Variants in PCDHGB1 observed in about 807,000 individuals in gnomAD.
PCDHGB1 encodes protocadherin gamma-B1.
In PCDHGB1, 34 loss-of-function variants were observed where a neutral mutation model predicts 56.6. The ratio of observed to expected loss-of-function variants is 0.60; its 90% CI spans 0.46 to 0.80. The LOEUF is 0.80. Among genes scored for constraint, PCDHGB1 ranks in the 30% least tolerant of loss-of-function variants. PCDHGB1 has a pLI of 0.00. For missense variants in PCDHGB1, 1,278 were observed against 1,204.6 expected, an observed-to-expected ratio of 1.06 and a Z score of -0.90; for synonymous variants, 561 against 505.9, an observed-to-expected ratio of 1.11 and a Z score of -1.46.
chr5:141,458,594 G>A (rs1226490392), intron 1 of PCDHGB1, among the ~76,000 whole-genome samples: 2 of 151,612 alleles, frequency 1.3e-5, no homozygotes, highest in South Asian at 2.1e-4. Flanking sequence ...TTTTGGAGAC[G>A]AGTCTCACTC....
intron 2 of PCDHGB1, among the ~76,000 whole-genome samples, chr5:141,503,456 A>G (rs920770738): frequency 1.3e-5 from 2 of 152,058 alleles, no homozygotes; most frequent in African/African-American, 4.8e-5. Context: ...TTCGCTGGGC[A>G]TGGTGGCATG....
chr5:141,384,958 T>C, intron 1 of PCDHGB1: 1 of 1,613,954 alleles, frequency 6.2e-7, no homozygotes, highest in Non-Finnish European at 8.5e-7. Flanking sequence ...TCCTTACAAC[T>C]ATGACCTCAC....
chr5:141,481,312 T>C (rs953898526), intron 1 of PCDHGB1, among the ~76,000 whole-genome samples: 1 of 152,200 alleles, frequency 6.6e-6, no homozygotes, highest in Non-Finnish European at 1.5e-5. Flanking sequence ...AAAACCTTCC[T>C]AAAGCACTAG....
At chr5:141,484,966 G>A in intron 1 of PCDHGB1, 1 of 583,968 alleles carries the variant, frequency 1.7e-6, no homozygotes. Context: ...GAGCCCGGGA[G>A]CCGCTGTCTG....
chr5:141,402,704 T>C (rs1237933133), intron 1 of PCDHGB1, among the ~76,000 whole-genome samples: 1 of 152,216 alleles, frequency 6.6e-6, no homozygotes, highest in East Asian at 1.9e-4. Flanking sequence ...TCAGTGGGTG[T>C]AGTAACGGCT....
intron 1 of PCDHGB1, chr5:141,395,210 A>T (rs200048432): frequency 1.9e-6 from 3 of 1,613,418 alleles, no homozygotes; most frequent in Non-Finnish European, 2.5e-6. Context: ...ATTTTCATGA[A>T]TATAAGAATG....
chr5:141,497,312 G>A (rs940721317), intron 2 of PCDHGB1, among the ~76,000 whole-genome samples: 7 of 152,038 alleles, frequency 4.6e-5, no homozygotes, highest in African/African-American at 1.7e-4. Flanking sequence ...CCATACACTG[G>A]CTTTGAAGCA....
At chr5:141,408,712 T>G in intron 1 of PCDHGB1, 1 of 1,612,332 alleles carries the variant, frequency 6.2e-7, no homozygotes, top group Non-Finnish European at 8.5e-7. Flanking sequence ...TTAAAGATTA[T>G]AAGATAAACT....
At chr5:141,470,302 C>A (rs996558051) in intron 1 of PCDHGB1, among the ~76,000 whole-genome samples, 5 of 152,188 alleles carry the variant, frequency 3.3e-5, no homozygotes, top group African/African-American at 1.2e-4. Context: ...GTTTTTATTC[C>A]ATTTTTCCTC....
At chr5:141,467,360 C>T (rs965838962) in intron 1 of PCDHGB1, among the ~76,000 whole-genome samples, 3 of 152,010 alleles carry the variant, frequency 2.0e-5, no homozygotes, top group Non-Finnish European at 4.4e-5. Context: ...GCCAAATCAA[C>T]GTTTTCTTAT....
At chr5:141,375,208 C>G in intron 1 of PCDHGB1, 2 of 1,613,958 alleles carry the variant, frequency 1.2e-6, no homozygotes, top group Non-Finnish European at 8.5e-7. Flanking sequence ...TCGATCGAGA[C>G]TCTGGCCTGA....
chr5:141,362,432 A>T, intron 1 of PCDHGB1: 1 of 1,613,924 alleles, frequency 6.2e-7, no homozygotes, highest in South Asian at 1.1e-5. Flanking sequence ...ACAGAGTTCA[A>T]TTTTCTGAAC....
chr5:141,357,403 G>A (rs1760584146), intron 1 of PCDHGB1: 2 of 1,614,252 alleles, frequency 1.2e-6, no homozygotes, highest in Non-Finnish European at 1.7e-6. Context: ...GTTGGCAGGT[G>A]TGCCTGCCTC....
In PCDHGB1 at chr5:141,356,852, T is replaced by A. The variant is rs1291274340; in HGVS notation, c.2409+4183T>A. ...AGCAGCAATGTGTCACTGAGCCTCT[T>A]TGTGCTGGACCAGAACGACAATGTC... On this transcript the variant is annotated intron_variant, in intron 1 of 3. Transcript: ENST00000523390. 1.9e-6 allele frequency: 3 copies of A among 1,614,178 alleles called. No individual in the cohort carries two copies. The South Asian group carries it at 3.3e-5, about 18-fold the overall frequency.
rs990493129 is a variant in PCDHGB1 at position 141,449,560 on chromosome 5, G to C, written c.2410-45247G>C. On this transcript the variant is annotated intron_variant, in intron 1 of 3. Coordinates refer to ENST00000523390, the MANE Select transcript of PCDHGB1 (RefSeq NM_018922.3). ...GCCGAGATCGCACCACTGCACTCCA[G>C]CCTGGGCGACAGAGCAAGACTCTGT... Among the ~76,000 whole-genome samples, 4 of 145,056 alleles carry C rather than the reference G, an allele frequency of 2.8e-5. No homozygotes were observed. The Admixed American group carries it at 2.8e-4, about 10-fold the overall frequency.
At chr5:141,374,613 A>G (rs1770655332) in intron 1 of PCDHGB1, 1 of 1,613,396 alleles carries the variant, frequency 6.2e-7, no homozygotes, top group African/African-American at 1.3e-5. Flanking sequence ...GGTAATAGTC[A>G]CTTCTCAGTG....
chr5:141,509,224 T>G (rs1241668369), intron 3 of PCDHGB1, among the ~76,000 whole-genome samples: 3 of 152,176 alleles, frequency 2.0e-5, no homozygotes, highest in Non-Finnish European at 2.9e-5. Flanking sequence ...AATCCCTGGT[T>G]GATGTCCCAG....
intron 1 of PCDHGB1, among the ~76,000 whole-genome samples, chr5:141,400,819 C>T (rs1316119038): frequency 6.6e-6 from 1 of 152,132 alleles, no homozygotes; most frequent in Non-Finnish European, 1.5e-5. Context: ...TTTACCTATT[C>T]GTTGTCTCAT....
At chr5:141,399,944 A>G (rs769384438) in intron 1 of PCDHGB1, 2 of 1,612,254 alleles carry the variant, frequency 1.2e-6, no homozygotes, top group South Asian at 2.2e-5. Context: ...CACGTGCTGC[A>G]GGCTAGCGAG....
Sources: allele counts gnomAD v4.1 joint callset (sites outside exome capture counted in the v4.1 genomes callset), GRCh38; gene constraint gnomAD v4.1.1; transcripts MANE v1.5; gene names NCBI Gene and HGNC (gene_info 2026-07-23, HGNC 2026-07-21).